STAB1: variants seen among roughly 807,000 people sequenced by gnomAD.
STAB1 encodes stabilin 1.
In STAB1, 250 loss-of-function variants were observed where a neutral mutation model predicts 332.4. The observed-to-expected ratio is 0.75, with a 90% confidence interval of 0.68 to 0.84. STAB1 has a LOEUF of 0.84. Among genes scored for constraint, STAB1 ranks in the 40% least tolerant of loss-of-function variants. The probability of loss-of-function intolerance (pLI) is 0.00; values close to 1 mark genes in which losing one functional copy is unlikely to be tolerated. For missense variants in STAB1, 3,249 were observed against 3,489.7 expected (o/e 0.93, Z 1.74); for synonymous variants, 1,475 against 1,390.4 (o/e 1.06, Z -1.35).
Position 52,501,656 on chromosome 3 carries a change from G to C in STAB1, c.234G>C (p.Gly78=). The part of the protein sequence containing the change: ...TQDCRYEVQL[G]GSMVSMSGCR... ...CCCCCAGCTACGAAGTACAGCTGGG[G>C]GGCTCTATGGTGTCCATGAGCGGCT... The change falls in exon 3 of 69, where the codon GGG becomes GGC. Residue 78 remains glycine, a synonymous_variant. Coordinates refer to ENST00000321725, the MANE Select transcript of STAB1 (RefSeq NM_015136.3). 1 of 1,568,568 alleles carries C rather than the reference G, an allele frequency of 6.4e-7. No homozygotes were observed. Among genetic ancestry groups the C allele is most frequent in the Non-Finnish European group, 8.6e-7 (1 of 1,157,650 alleles).
intron 1 of STAB1, among the ~76,000 whole-genome samples, chr3:52,500,693 C>T (rs2153232848): frequency 6.6e-6 from 1 of 152,352 alleles, no homozygotes; most frequent in African/African-American, 2.4e-5. Context: ...TTTATTGTTT[C>T]TTTATCTTTA....
At position 52,511,686 on chromosome 3, in the gene STAB1, G is replaced by A. The variant is rs368198386; in HGVS notation, c.2824G>A (p.Gly942Ser). Reference sequence around the variant, plus strand: ...CTGCAAGCTGGGCTTTGCCGGGGATGGCTACCAGTGCAGCCCCATCGACCC... The same window carrying A: ...CTGCAAGCTGGGCTTTGCCGGGGATAGCTACCAGTGCAGCCCCATCGACCC... ...CTCKLGFAGD[G>S]YQCSPIDPCR... Residue 942 changes from glycine (G) to serine (S), a missense_variant, in exon 26 of 69, where the codon GGC (glycine) becomes AGC (serine). By Grantham distance (56) the Gly-to-Ser change is moderately conservative. Transcript: ENST00000321725. 1.3e-4 allele frequency: 216 copies of A among 1,610,804 alleles called. No homozygotes were observed. The highest frequency in any genetic ancestry group is 1.8e-4 in the Non-Finnish European group (212 of 1,178,764).
chr3:52,505,618 A>G lies in STAB1; in HGVS notation c.1582-50A>G, dbSNP rs115238151. ...GTGGCAGGGCCCAGGCAGGACTCAG[A>G]GGTGGAGGCTGGCCATGCAACCCCC... On this transcript the variant is annotated intron_variant, in intron 14 of 68. Transcript: ENST00000321725. The G allele has an allele frequency of 6.9e-4, 1,090 of 1,577,094 alleles. 7 individuals are homozygous for G. The African/African-American group carries it at 0.012, about 18-fold the overall frequency.
Position 52,513,907 on chromosome 3 carries a change from G to A in STAB1, c.3373G>A (p.Val1125Met). ...SQVLLPPRGDVPGGQGLLQQL... is the reference protein window; with the variant it reads ...SQVLLPPRGDMPGGQGLLQQL... Reference sequence around the variant, plus strand: ...GGTCTTACTGCCCCCCCGAGGGGATGTGCCCGGTGGGCAGGGGTTGCTGCA... The same window carrying A: ...GGTCTTACTGCCCCCCCGAGGGGATATGCCCGGTGGGCAGGGGTTGCTGCA... Residue 1125 changes from valine (V) to methionine (M), a missense_variant, in exon 32 of 69, where the codon GTG becomes ATG. By Grantham distance (21) the Val-to-Met change is conservative. Coordinates refer to ENST00000321725, the MANE Select transcript of STAB1 (RefSeq NM_015136.3). The A allele has an allele frequency of 2.5e-6, 4 of 1,604,830 alleles. No homozygotes were observed. Among genetic ancestry groups the A allele is most frequent in the Non-Finnish European group, 3.4e-6 (4 of 1,173,472 alleles).
chr3:52,513,715 A>G lies in STAB1; in HGVS notation c.3271-2A>G, dbSNP rs771492889. On this transcript the variant is annotated splice_acceptor_variant, in intron 30 of 68. Coordinates refer to ENST00000321725, the MANE Select transcript of STAB1 (RefSeq NM_015136.3). LOFTEE classifies it high-confidence loss of function. ...TGGCTAAGCTCTGCTGCTGCCTTCC[A>G]GAGGGTCTGGGTGCAGAATGCCAGC... 3.1e-6 allele frequency: 5 copies of G among 1,612,816 alleles called. No homozygotes were observed. The highest frequency in any genetic ancestry group is 4.2e-6 in the Non-Finnish European group (5 of 1,179,862).
At chr3:52,513,695 A>G (rs1559698969) in intron 30 of STAB1, 22 bp from the exon 31 acceptor site, 1 of 1,609,662 alleles carries the variant, frequency 6.2e-7, no homozygotes, top group Non-Finnish European at 8.5e-7. Flanking sequence ...ACCTGTGGCT[A>G]AGCTCTGCTG....
rs777474119 is a variant in STAB1 at position 52,505,016 on chromosome 3, A to G, written c.1391A>G (p.Lys464Arg). The G allele has an allele frequency of 6.2e-7, 1 of 1,613,682 alleles. No homozygotes were observed. Among genetic ancestry groups the G allele is most frequent in the African/African-American group, 1.3e-5 (1 of 74,916 alleles). The change falls in exon 13 of 69, where the codon AAG becomes AGG. Residue 464 changes from lysine to arginine, a missense_variant. Lys to Arg is a conservative substitution (Grantham distance 26, BLOSUM62 2). Transcript: ENST00000321725. Reference protein sequence around the residue: ...TFNQFTKYSYKYKDQPQQTFN... With the variant: ...TFNQFTKYSYRYKDQPQQTFN... The stretch of plus-strand genomic sequence containing the variant: ...GTGTCTCACCAGAAATACTCCTACA[A>G]GTACAAAGACCAGCCCCAGCAGACG...
intron 28 of STAB1, 91 bp from the exon 29 acceptor site, chr3:52,512,737 T>C: frequency 1.9e-6 from 3 of 1,610,058 alleles, no homozygotes; most frequent in South Asian, 1.1e-5. Context: ...GCGTGGGAGG[T>C]TGGGGGCAGG....
chr3:52,502,780 A>G, intron 6 of STAB1, 53 bp downstream of exon 6: 1 of 1,568,212 alleles, frequency 6.4e-7, no homozygotes. Flanking sequence ...TGGCCAGAGC[A>G]AAAGAGGCCG....
chr3:52,524,223 G>C lies in STAB1; in HGVS notation c.7656+10G>C. ...TTGTGAACCCTTCGATGTAAGCATG[G>C]AAGTGAAGAAGTGTGGCAGATGTGG... On this transcript the variant is annotated intron_variant, in intron 68 of 68. Coordinates refer to ENST00000321725, the MANE Select transcript of STAB1 (RefSeq NM_015136.3). 6.2e-7 allele frequency: 1 copy of C among 1,614,080 alleles called. No individual in the cohort carries two copies. The highest frequency in any genetic ancestry group is 8.5e-7 in the Non-Finnish European group (1 of 1,180,026).
chr3:52,511,638 T>A lies in STAB1; in HGVS notation c.2788-12T>A. The A allele has an allele frequency of 6.2e-7, 1 of 1,606,486 alleles. No individual in the cohort carries two copies. Among genetic ancestry groups the A allele is most frequent in the Non-Finnish European group, 8.5e-7 (1 of 1,175,996 alleles). The stretch of plus-strand genomic sequence containing the variant: ...ATCATGAGACAAGGCCGTCTGTTCC[T>A]AACCTTTCCAGAGCCGATGCACCTG... On this transcript the variant is annotated splice_polypyrimidine_tract_variant and intron_variant, in intron 25 of 68. Transcript: ENST00000321725.
chr3:52,516,244 G>T lies in STAB1; in HGVS notation c.4144+6G>T. On this transcript the variant is annotated splice_donor_region_variant and intron_variant, in intron 38 of 68. Transcript: ENST00000321725. ...CGGGCCCAACTGCACCGGAGGTGAG[G>T]ACTGGGGAGGGGCGGGGGTGGGCCT... The T allele has an allele frequency of 6.2e-7, 1 of 1,601,926 alleles. No individual in the cohort carries two copies. The highest frequency in any genetic ancestry group is 8.5e-7 in the Non-Finnish European group (1 of 1,171,146).
At chr3:52,518,165 T>G in intron 45 of STAB1, 147 bp from the exon 46 acceptor site, 2 of 1,494,284 alleles carry the variant, frequency 1.3e-6, no homozygotes, top group South Asian at 2.6e-5. Context: ...CTATGACCCA[T>G]GAAACTAGCC....
rs777490339 is a variant in STAB1, at chr3:52,523,037, G to A, written c.6923G>A (p.Arg2308Gln). The A allele has an allele frequency of 1.4e-5, 22 of 1,573,502 alleles. No homozygotes were observed. Among genetic ancestry groups the A allele is most frequent in the South Asian group, 2.4e-5 (2 of 84,080 alleles). Residue 2308 changes from arginine to glutamine, a missense_variant, in exon 63 of 69, where the codon CGA becomes CAA. Arg to Gln is a conservative substitution (Grantham distance 43). Transcript: ENST00000321725. Reference protein sequence around the residue: ...YCFRVQDVACRCRNGFVGDGI... With the variant: ...YCFRVQDVACQCRNGFVGDGI... ...GCTTTTCCTGCAGATGTGGCCTGCC[G>A]ATGCCGAAATGGCTTCGTGGGTGAC...
Position 52,503,045 on chromosome 3 carries a change from C to T in STAB1, c.630C>T (p.Cys210=). ...QELRCPQNTQ[C]SAEAPSCRCL... ...TGCGCTGTCCCCAGAACACCCAGTGCTCCGCAGAGGCTCCCAGCTGCAGGT... is the reference window on the plus strand; with the variant it reads ...TGCGCTGTCCCCAGAACACCCAGTGTTCCGCAGAGGCTCCCAGCTGCAGGT... Residue 210 remains cysteine (C), a synonymous_variant, in exon 7 of 69, where the codon TGC becomes TGT. Coordinates refer to ENST00000321725, the MANE Select transcript of STAB1 (RefSeq NM_015136.3). 1.9e-6 allele frequency: 3 copies of T among 1,603,676 alleles called. No individual in the cohort carries two copies. Among genetic ancestry groups the T allele is most frequent in the Non-Finnish European group, 1.7e-6 (2 of 1,176,222 alleles).
rs750387226 is a variant in STAB1, at chr3:52,522,542, C to T, written c.6611-13C>T. On this transcript the variant is annotated splice_polypyrimidine_tract_variant and intron_variant, in intron 60 of 68. Coordinates refer to ENST00000321725, the MANE Select transcript of STAB1 (RefSeq NM_015136.3). ...GAGCCGGCCAGCTGACCATGCACCCCTCCATTCTGCAGAGAAACGGGCTGG... is the reference window on the plus strand; with the variant it reads ...GAGCCGGCCAGCTGACCATGCACCCTTCCATTCTGCAGAGAAACGGGCTGG... The T allele has an allele frequency of 4.3e-6, 7 of 1,612,990 alleles. No individual in the cohort carries two copies. The highest frequency in any genetic ancestry group is 5.1e-6 in the Non-Finnish European group (6 of 1,180,032).
Position 52,506,747 on chromosome 3 carries a change from C to T in STAB1, c.1886C>T (p.Ala629Val), listed in dbSNP as rs781466503. Residue 629 changes from alanine (A) to valine (V), a missense_variant, in exon 18 of 69, where the codon GCC becomes GTC. Ala to Val is a moderately conservative substitution (Grantham distance 64, BLOSUM62 0). Transcript: ENST00000321725. The stretch of plus-strand genomic sequence containing the variant: ...CCGCTGCAGAGGGTAGACGTGATGG[C>T]CGCCAATGGTGTGATCCACATGCTG... ...GVPLQRVDVM[A>V]ANGVIHMLDG... The T allele has an allele frequency of 1.9e-6, 3 of 1,612,540 alleles. No homozygotes were observed. The highest frequency in any genetic ancestry group is 2.2e-5 in the East Asian group (1 of 44,884).
intron 1 of STAB1, among the ~76,000 whole-genome samples, chr3:52,499,898 C>CAAAAAAA (rs4045133): frequency 2.7e-5 from 1 of 37,072 alleles, no homozygotes. Context: ...GACTCCATCT[C>CAAAAAAA]AAAAAAAAAA....
rs141902030 is a variant in STAB1 at position 52,520,535 on chromosome 3, C to T, written c.5635C>T (p.Arg1879Trp). The change falls in exon 53 of 69, where the codon CGG becomes TGG. Residue 1879 changes from arginine to tryptophan, a missense_variant. Physicochemically the swap from Arg to Trp is moderately radical, Grantham distance 101. Transcript: ENST00000321725. ...TGCTCGCTGTGACCACTTTGAGACCCGGCCCCTGCGACTGGTGAGGGAGGC... is the reference window on the plus strand; with the variant it reads ...TGCTCGCTGTGACCACTTTGAGACCTGGCCCCTGCGACTGGTGAGGGAGGC... ...LGARCDHFET[R>W]PLRLNTCSIC... The T allele has an allele frequency of 9.8e-5, 158 of 1,611,528 alleles. No homozygotes were observed. Among genetic ancestry groups the T allele is most frequent in the Middle Eastern group, 1.7e-4 (1 of 6,058 alleles).
Sources: allele counts gnomAD v4.1 joint callset (sites outside exome capture counted in the v4.1 genomes callset), GRCh38; gene constraint gnomAD v4.1.1; transcripts MANE v1.5; gene names NCBI Gene and HGNC (gene_info 2026-07-23, HGNC 2026-07-21).